Variants in FUT8 observed in about 807,000 individuals in gnomAD.
FUT8 encodes alpha-(1,6)-fucosyltransferase.
FUT8 carries 29 observed loss-of-function variants against 71.3 expected under a neutral mutation model. That is an observed-to-expected ratio of 0.41 (90% confidence interval 0.30 to 0.55). The LOEUF (loss-of-function observed/expected upper bound fraction) is 0.55. Among genes scored for constraint, FUT8 ranks in the 20% least tolerant of loss-of-function variants. The pLI is 0.34. For synonymous variants in FUT8, 254 were observed against 239.3 expected, an observed-to-expected ratio of 1.06 and a Z score of -0.57; for missense variants, 544 against 702.1, an observed-to-expected ratio of 0.77 and a Z score of 2.55.
In FUT8 at chr14:65,561,620, G is replaced by A; in HGVS notation, c.57G>A (p.Gly19=). The A allele has an allele frequency of 6.2e-7, 1 of 1,613,548 alleles. No homozygotes were observed. Residue 19 remains glycine, a synonymous_variant, in exon 3 of 11, where the codon GGG becomes GGA. Coordinates refer to ENST00000673929, the MANE Select transcript of FUT8 (RefSeq NM_001371533.1). ...TTATGCTCATTCTTTTTGCCTGGGGGACCTTGCTGTTTTATATAGGTGGTC... is the reference window on the plus strand; with the variant it reads ...TTATGCTCATTCTTTTTGCCTGGGGAACCTTGCTGTTTTATATAGGTGGTC... ...RWIMLILFAW[G]TLLFYIGGHL...
intron 7 of FUT8, among the ~76,000 whole-genome samples, chr14:65,684,330 C>A (rs1893174012): frequency 6.6e-6 from 1 of 152,094 alleles, no homozygotes; most frequent in Non-Finnish European, 1.5e-5. Flanking sequence ...GACTGCCTTG[C>A]AATTCTGTTT....
chr14:65,375,346 G>A, the FUT8 span, among the ~76,000 whole-genome samples: 1 of 152,304 alleles, frequency 6.6e-6, no homozygotes. Flanking sequence ...AGGACCAGGT[G>A]GGGTGGCTCA....
rs1017230922 is a variant in FUT8 at position 65,581,178 on chromosome 14, T to A, written c.203+19412T>A. 2.4e-4 allele frequency among the ~76,000 whole-genome samples: 37 copies of A among 152,126 alleles called. 1 individual carries two copies. The highest frequency in any genetic ancestry group is 4.4e-5 in the Non-Finnish European group (3 of 67,976). On this transcript the variant is annotated intron_variant, in intron 3 of 10. Transcript: ENST00000673929. ...GTTAATTCCCAGACCTACTGAGTCA[T>A]AAACTCTGGTGATGAGGCTCAGTAG...
chr14:65,529,471 G>C (rs1426499600), intron 2 of FUT8: 1 of 152,578 alleles, frequency 6.6e-6, no homozygotes, highest in African/African-American at 2.4e-5. Flanking sequence ...GACATCAGGT[G>C]ATCCATCCAT....
intron 2 of FUT8, among the ~76,000 whole-genome samples, chr14:65,462,337 G>C (rs970135823): frequency 1.3e-5 from 2 of 152,204 alleles, no homozygotes; most frequent in Non-Finnish European, 2.9e-5. Flanking sequence ...TTTTCAACTT[G>C]AATAGTGTAT....
At chr14:65,727,800 T>A (rs1329903357) in intron 9 of FUT8, among the ~76,000 whole-genome samples, 1 of 152,196 alleles carries the variant, frequency 6.6e-6, no homozygotes, top group African/African-American at 2.4e-5. Context: ...TTTTCCAAAC[T>A]TTTATGCTCT....
intron 2 of FUT8, among the ~76,000 whole-genome samples, chr14:65,533,638 T>C (rs1884100042): frequency 6.6e-6 from 1 of 152,152 alleles, no homozygotes; most frequent in Non-Finnish European, 1.5e-5. Context: ...TTTTTTTTTC[T>C]CTTGCCTGAT....
In FUT8 at chr14:65,607,427, A is replaced by T. The variant is rs1440320225; in HGVS notation, c.204-8551A>T. Among the ~76,000 whole-genome samples, 1 of 151,818 alleles carries T rather than the reference A, an allele frequency of 6.6e-6. No homozygotes were observed. On this transcript the variant is annotated intron_variant, in intron 3 of 10. Coordinates refer to ENST00000673929, the MANE Select transcript of FUT8 (RefSeq NM_001371533.1). This position sits in a 1 kb window ranked among gnomAD's most constrained non-coding sequence, Gnocchi z 4.1. ...AATAAGTATTAAATTTTATCTAATG[A>T]TTTTTTGTTTCCATTGAGATTGTAA...
chr14:65,416,155 T>C (rs2065215986), intron 1 of FUT8, among the ~76,000 whole-genome samples: 1 of 152,150 alleles, frequency 6.6e-6, no homozygotes, highest in Non-Finnish European at 1.5e-5. Flanking sequence ...AGTTAAATGG[T>C]GGATACATCA....
chr14:65,377,866 G>A, the FUT8 span, among the ~76,000 whole-genome samples: 1 of 151,998 alleles, frequency 6.6e-6, no homozygotes, highest in Admixed American at 6.6e-5. Context: ...GGAAATTTTT[G>A]ATATAATACG....
intron 1 of FUT8, among the ~76,000 whole-genome samples, chr14:65,446,915 A>G (rs940702772): frequency 6.6e-6 from 1 of 151,892 alleles, no homozygotes; most frequent in Non-Finnish European, 1.5e-5. Flanking sequence ...GCAATCCTCC[A>G]GCCTCAGCTT....
chr14:65,637,751 G>A lies in FUT8; in HGVS notation c.597+8145G>A, dbSNP rs937355283. Among the ~76,000 whole-genome samples the A allele has an allele frequency of 2.0e-5, 3 of 152,084 alleles. No homozygotes were observed. The East Asian group carries it at 5.8e-4, about 29-fold the overall frequency. ...TAGAGTAGGATTTCTTAAGCAAAAG[G>A]AAAGGTCTCAGCAAACAGAGGGGCC... is the stretch of plus-strand genomic sequence containing the variant. On this transcript the variant is annotated intron_variant, in intron 6 of 10. Transcript: ENST00000673929.
chr14:65,722,751 T>C (rs1895481656), intron 8 of FUT8, among the ~76,000 whole-genome samples: 1 of 152,198 alleles, frequency 6.6e-6, no homozygotes, highest in Non-Finnish European at 1.5e-5. Flanking sequence ...GTTCATATGA[T>C]TGTATCCACA....
rs898336838 is a variant in FUT8, at chr14:65,621,565, C to CT, written c.482+5201dup. ...CACCACGCCTGGCCTATTTGTTCCT[C>CT]TTTTTTTTTATTTAAGATGGAGTTT... On this transcript the variant is annotated intron_variant, in intron 5 of 10. Coordinates refer to ENST00000673929, the MANE Select transcript of FUT8 (RefSeq NM_001371533.1). Among the ~76,000 whole-genome samples, 34 of 147,102 alleles carry CT rather than the reference C, an allele frequency of 2.3e-4. 2 individuals are homozygous for CT. Among genetic ancestry groups the CT allele is most frequent in the Middle Eastern group, 7.9e-3 (2 of 252 alleles).
intron 6 of FUT8, among the ~76,000 whole-genome samples, chr14:65,642,447 A>T (rs1381225909): frequency 6.6e-6 from 1 of 152,066 alleles, no homozygotes; most frequent in African/African-American, 2.4e-5. Flanking sequence ...TACTAAAAAT[A>T]CAAAAATTAG....
intron 6 of FUT8, among the ~76,000 whole-genome samples, chr14:65,630,231 C>T (rs947736470): frequency 6.6e-6 from 1 of 152,052 alleles, no homozygotes; most frequent in Admixed American, 6.5e-5. Flanking sequence ...AGTAAGGGGT[C>T]ACTGAAAGAT....
At chr14:65,650,650 T>C (rs1891346518) in intron 6 of FUT8, among the ~76,000 whole-genome samples, 1 of 147,400 alleles carries the variant, frequency 6.8e-6, no homozygotes, top group Non-Finnish European at 1.5e-5. Flanking sequence ...GCATTTCAAC[T>C]TGAGATTTGG....
chr14:65,708,384 G>A (rs533878353), intron 7 of FUT8, among the ~76,000 whole-genome samples: 14 of 152,154 alleles, frequency 9.2e-5, no homozygotes, highest in East Asian at 1.9e-4. Context: ...ATAAATTACC[G>A]AATCTCAGGC....
At chr14:65,385,893 T>C in the FUT8 span, among the ~76,000 whole-genome samples, 1 of 152,078 alleles carries the variant, frequency 6.6e-6, no homozygotes, top group African/African-American at 2.4e-5. Context: ...GGCTCATGCC[T>C]GTAATCCCAG....
Sources: gnomAD v4.1 joint callset for allele counts (sites outside exome capture counted in the v4.1 genomes callset) on GRCh38, gnomAD v4.1.1 for gene constraint, Gnocchi (gnomAD v3.1) non-coding constraint, MANE v1.5 for transcripts, NCBI Gene and HGNC (gene_info 2026-07-23, HGNC 2026-07-21) for gene names.